The following C10orf90 variants were observed in gnomAD, a reference collection of about 807,000 sequenced individuals.
C10orf90 encodes the protein chromosome 10 open reading frame 90, also known as (E2-independent) E3 ubiquitin-conjugating enzyme FATS.
C10orf90 carries 56 observed loss-of-function variants against 62.5 expected under a neutral mutation model. The observed-to-expected ratio is 0.90, with a 90% CI of 0.72 to 1.12. C10orf90 has a LOEUF of 1.12. Among genes scored for constraint, C10orf90 ranks in the 50% most tolerant of loss-of-function variants. The pLI is 0.00. For synonymous variants in C10orf90, 386 were observed against 340.4 expected, an observed-to-expected ratio of 1.13 and a Z score of -1.47; for missense variants, 970 against 880.4, an observed-to-expected ratio of 1.10 and a Z score of -1.29.
intron 2 of C10orf90, among the ~76,000 whole-genome samples, chr10:126,575,282 T>G (rs1429183201): frequency 6.6e-6 from 1 of 151,824 alleles, no homozygotes; most frequent in Non-Finnish European, 1.5e-5. Flanking sequence ...CTCTTAGAAC[T>G]GAGCTGAAAA....
At chr10:126,598,247 C>T (rs1016162407) in intron 2 of C10orf90, among the ~76,000 whole-genome samples, 6 of 152,058 alleles carry the variant, frequency 3.9e-5, no homozygotes, top group African/African-American at 1.2e-4. Context: ...CCACTCCTGG[C>T]CCTTCTCCAG....
At position 126,547,096 on chromosome 10, in the gene C10orf90, G is replaced by A. The variant is rs141329229; in HGVS notation, c.314-33157C>T. Among the ~76,000 whole-genome samples, 904 of 141,204 alleles carry A rather than the reference G, an allele frequency of 6.4e-3. 14 individuals carry two copies. The highest frequency in any genetic ancestry group is 0.023 in the African/African-American group (871 of 37,744). 92.6% of individuals were successfully genotyped at this position (141,204 alleles called of 152,430 possible). ...TGCACTCCAGACTGGGCAACAGAGC[G>A]AGACTCCGTCTCCAACCACAACAAC... On this transcript the variant is annotated intron_variant, in intron 2 of 9. Transcript: ENST00000488181.
At chr10:126,551,223 T>C (rs775074585) in intron 2 of C10orf90, among the ~76,000 whole-genome samples, 3 of 152,194 alleles carry the variant, frequency 2.0e-5, no homozygotes, top group Non-Finnish European at 2.9e-5. Context: ...AGGATTGTCT[T>C]GAGACTAGAG....
intron 4 of C10orf90, among the ~76,000 whole-genome samples, chr10:126,466,280 G>A (rs1418214537): frequency 3.9e-5 from 6 of 152,098 alleles, no homozygotes; most frequent in East Asian, 1.9e-4. Flanking sequence ...TTGGGAGGCC[G>A]AGGCGGGTGG....
intron 2 of C10orf90, among the ~76,000 whole-genome samples, chr10:126,525,511 A>T (rs1482100032): frequency 6.6e-6 from 1 of 152,190 alleles, no homozygotes; most frequent in Non-Finnish European, 1.5e-5. Context: ...GAGCCTGCAG[A>T]GATGATTACA....
intron 6 of C10orf90, 94 bp downstream of exon 6, chr10:126,461,307 C>T (rs545134663): frequency 1.4e-6 from 2 of 1,428,174 alleles, no homozygotes; most frequent in African/African-American, 2.9e-5. Context: ...AGGTTTCCAG[C>T]CTCAGAGGTG....
chr10:126,425,717 G>T lies in C10orf90; in HGVS notation c.*147C>A. The T allele has an allele frequency of 1.3e-6, 1 of 782,410 alleles. No homozygotes were observed. The allele number at this position is 782,410 out of a possible 1,614,324, so 48.5% of individuals were successfully genotyped here. A position where few individuals can be genotyped will look rare whatever the true frequency, so the allele number is the denominator to read the frequency against. ...CTGTTTGGCTTGGGTCAGTAATTCA[G>T]GAAGTGATGTTTTCCTTTATGGAAA... On this transcript the variant is annotated 3_prime_UTR_variant, in exon 10 of 10. Transcript: ENST00000488181.
In C10orf90 at chr10:126,643,556, T is replaced by C. The variant is rs116232695; in HGVS notation, c.313+3009A>G. Among the ~76,000 whole-genome samples, 770 of 152,278 alleles carry C rather than the reference T, an allele frequency of 5.1e-3. 7 individuals are homozygous for C. The highest frequency in any genetic ancestry group is 0.017 in the African/African-American group (688 of 41,556). Reference sequence around the variant, plus strand: ...CTAATATCTGACCTTGCCTCCTGACTGATGGTCGGGTCAGCATGGCGCCTG... The same window carrying C: ...CTAATATCTGACCTTGCCTCCTGACCGATGGTCGGGTCAGCATGGCGCCTG... On this transcript the variant is annotated intron_variant, in intron 2 of 9. Coordinates refer to ENST00000488181, the MANE Select transcript of C10orf90 (RefSeq NM_001350921.2).
chr10:126,625,373 G>C (rs1845722520), intron 2 of C10orf90, among the ~76,000 whole-genome samples: 1 of 152,184 alleles, frequency 6.6e-6, no homozygotes, highest in African/African-American at 2.4e-5. Flanking sequence ...CCTCAGTAAA[G>C]AACACAGCTC....
chr10:126,495,523 T>C (rs1002496325), intron 4 of C10orf90, among the ~76,000 whole-genome samples: 1 of 152,222 alleles, frequency 6.6e-6, no homozygotes, highest in African/African-American at 2.4e-5. Flanking sequence ...GATAGCAGTA[T>C]GAAAAATATT....
intron 2 of C10orf90, among the ~76,000 whole-genome samples, chr10:126,637,328 C>T (rs2133838143): frequency 6.6e-6 from 1 of 152,266 alleles, no homozygotes; most frequent in East Asian, 1.9e-4. Context: ...GGCCTGATTC[C>T]CTGTCTCCAT....
chr10:126,500,383 A>G (rs1862306512), intron 4 of C10orf90, among the ~76,000 whole-genome samples: 1 of 152,154 alleles, frequency 6.6e-6, no homozygotes, highest in Non-Finnish European at 1.5e-5. Context: ...TTCAAGCCTC[A>G]TTTGTGTTGT....
intron 2 of C10orf90, among the ~76,000 whole-genome samples, chr10:126,591,043 C>A (rs1244645167): frequency 6.6e-6 from 1 of 152,080 alleles, no homozygotes; most frequent in Non-Finnish European, 1.5e-5. Context: ...GAAATTAAAG[C>A]AGTAATCAAT....
chr10:126,669,442 T>C (rs1389852882), intron 1 of C10orf90, among the ~76,000 whole-genome samples: 1 of 152,228 alleles, frequency 6.6e-6, no homozygotes, highest in East Asian at 1.9e-4. Flanking sequence ...TCAGAAAGGT[T>C]ACCTTTTCAT....
At chr10:126,665,518 A>G (rs2133877503) in intron 1 of C10orf90, among the ~76,000 whole-genome samples, 1 of 152,332 alleles carries the variant, frequency 6.6e-6, no homozygotes, top group African/African-American at 2.4e-5. Context: ...CCCAGAGCTA[A>G]GTTTCCAAAC....
intron 2 of C10orf90, among the ~76,000 whole-genome samples, chr10:126,585,021 A>G (rs1367152933): frequency 1.3e-5 from 2 of 151,956 alleles, no homozygotes; most frequent in African/African-American, 4.8e-5. Context: ...AGCTACCGTG[A>G]TATCAGATTT....
chr10:126,477,800 T>C (rs1364121756), intron 4 of C10orf90, among the ~76,000 whole-genome samples: 2 of 152,148 alleles, frequency 1.3e-5, no homozygotes, highest in African/African-American at 4.8e-5. Context: ...ATACATACAA[T>C]CTCTGCATCT....
At position 126,666,837 on chromosome 10, in the gene C10orf90, G is replaced by A. The variant is rs181165180; in HGVS notation, c.240+3404C>T. Among the ~76,000 whole-genome samples the A allele has an allele frequency of 5.1e-3, 777 of 151,678 alleles. 9 individuals are homozygous for A. The highest frequency in any genetic ancestry group is 0.018 in the African/African-American group (735 of 41,416). On this transcript the variant is annotated intron_variant, in intron 1 of 9. Coordinates refer to ENST00000488181, the MANE Select transcript of C10orf90 (RefSeq NM_001350921.2). ...ACTAAAAGTACAAAAAAAATTAGCC[G>A]GGCATGGTGGCGGGTGCTTGTAATC...
rs556526123 is a variant in C10orf90 at position 126,641,594 on chromosome 10, T to C, written c.313+4971A>G. On this transcript the variant is annotated intron_variant, in intron 2 of 9. Coordinates refer to ENST00000488181, the MANE Select transcript of C10orf90 (RefSeq NM_001350921.2). ...ATGATTTCCCCAGAAATGGCTGAAC[T>C]AGACACCTGACTTCCAATCGCCCTC... is the stretch of plus-strand genomic sequence containing the variant. Among the ~76,000 whole-genome samples the C allele has an allele frequency of 1.6e-3, 237 of 152,136 alleles. 1 individual carries two copies. The highest frequency in any genetic ancestry group is 2.4e-3 in the Admixed American group (37 of 15,282).
Sources: gnomAD v4.1 joint callset for allele counts (sites outside exome capture counted in the v4.1 genomes callset) on GRCh38, gnomAD v4.1.1 for gene constraint, MANE v1.5 for transcripts, NCBI Gene and HGNC (gene_info 2026-07-23, HGNC 2026-07-21) for gene names.